The following NRG1 variants were observed in gnomAD, a reference collection of about 807,000 sequenced individuals.
NRG1 encodes the protein pro-neuregulin-1, membrane-bound isoform.
Under a neutral mutation model 63.8 loss-of-function variants are expected in NRG1, and 18 were observed. The observed-to-expected ratio is 0.28, with a 90% CI of 0.19 to 0.42. NRG1 has a LOEUF of 0.42. Ranked by LOEUF, NRG1 falls within the 10% of genes least tolerant of loss-of-function variation. The probability of loss-of-function intolerance (pLI) is 1.00; values close to 1 mark genes in which losing one functional copy is unlikely to be tolerated. For missense variants in NRG1, 762 were observed against 814.7 expected, an observed-to-expected ratio of 0.94 and a Z score of 0.79; for synonymous variants, 302 against 301.3, an observed-to-expected ratio of 1.00 and a Z score of -0.02.
At chr8:32,360,590 C>T (rs768952174) in intron 1 of NRG1, among the ~76,000 whole-genome samples, 6 of 152,152 alleles carry the variant, frequency 3.9e-5, no homozygotes, top group South Asian at 2.1e-4. Flanking sequence ...TTTCTTTTGT[C>T]GTTTTACAGA....
intron 1 of NRG1, among the ~76,000 whole-genome samples, chr8:32,288,072 A>G (rs1255325482): frequency 6.6e-6 from 1 of 152,228 alleles, no homozygotes; most frequent in African/African-American, 2.4e-5. Flanking sequence ...AAAAAAGTGC[A>G]TTGCCATTTT....
intron 1 of NRG1, chr8:32,442,574 T>G (rs1193328620): frequency 6.6e-6 from 1 of 152,234 alleles, no homozygotes; most frequent in African/African-American, 2.4e-5. Flanking sequence ...AAAGTCCAGT[T>G]GTTTTCCCTT....
At chr8:32,491,264 T>C (rs1826524300) in intron 1 of NRG1, among the ~76,000 whole-genome samples, 1 of 152,202 alleles carries the variant, frequency 6.6e-6, no homozygotes, top group Non-Finnish European at 1.5e-5. Flanking sequence ...TTGGAACTAA[T>C]CGTAAATAAC....
At chr8:32,204,474 A>G (rs1028365620) in intron 1 of NRG1, among the ~76,000 whole-genome samples, 2 of 152,226 alleles carry the variant, frequency 1.3e-5, no homozygotes, top group Non-Finnish European at 2.9e-5. Flanking sequence ...TGCCAGTCAC[A>G]TACTAGTCAG....
In NRG1 at chr8:32,118,646, G is replaced by A. The variant is rs113476623; in HGVS notation, c.38-477182G>A. Among the ~76,000 whole-genome samples the A allele has an allele frequency of 7.0e-3, 1,059 of 152,210 alleles. 21 individuals carry two copies. Among genetic ancestry groups the A allele is most frequent in the African/African-American group, 0.024 (979 of 41,552 alleles). On this transcript the variant is annotated intron_variant, in intron 1 of 10. Transcript: ENST00000519301. ...TACAGGTATTTTGGCAGTTGTAATA[G>A]CGAGGTATTTATTTTGGTGCTTTAA...
At chr8:32,331,233 C>T (rs372260562) in intron 1 of NRG1, among the ~76,000 whole-genome samples, 15 of 151,992 alleles carry the variant, frequency 9.9e-5, no homozygotes, top group African/African-American at 2.9e-4. Context: ...CAGCGGCTCA[C>T]GCCTGTAATC....
chr8:32,193,946 A>G (rs1274235726), intron 1 of NRG1, among the ~76,000 whole-genome samples: 1 of 152,232 alleles, frequency 6.6e-6, no homozygotes, highest in African/African-American at 2.4e-5. Context: ...CCTGCAGAGG[A>G]AGCAGCCCTG....
At chr8:31,902,548 A>G (rs1411989514) in intron 1 of NRG1, among the ~76,000 whole-genome samples, 2 of 152,216 alleles carry the variant, frequency 1.3e-5, no homozygotes, top group Admixed American at 6.5e-5. Context: ...AATACTTACC[A>G]GGCTATTATC....
downstream of NRG1, among the ~76,000 whole-genome samples, chr8:32,771,706 T>TAAAAAAA (rs36131405): frequency 0.14 from 11,201 of 79,852 alleles, 1,036 homozygotes; most frequent in Non-Finnish European, 0.19. Flanking sequence ...TCCATTTCTT[T>TAAAAAAA]AAAAAAAAAA....
At chr8:32,548,950 T>A in intron 1 of NRG1, 124 bp downstream of exon 1, 1 of 1,286,542 alleles carries the variant, frequency 7.8e-7, no homozygotes, top group Non-Finnish European at 1.0e-6. Flanking sequence ...CCCTGCGCTC[T>A]GAGCGCCCGT....
intron 1 of NRG1, among the ~76,000 whole-genome samples, chr8:32,022,921 T>C (rs189524301): frequency 3.3e-5 from 5 of 152,354 alleles, no homozygotes; most frequent in Admixed American, 3.3e-4. Flanking sequence ...CACCATTTAA[T>C]GTGCACGGGA....
At chr8:32,718,595 T>C (rs1262359845) in intron 5 of NRG1, among the ~76,000 whole-genome samples, 1 of 152,170 alleles carries the variant, frequency 6.6e-6, no homozygotes. Flanking sequence ...TCTGGTATGG[T>C]TGCATTATTA....
chr8:32,116,221 T>G (rs1027097225), intron 1 of NRG1, among the ~76,000 whole-genome samples: 1 of 152,254 alleles, frequency 6.6e-6, no homozygotes, highest in African/African-American at 2.4e-5. Context: ...CTTCTTTTCC[T>G]CCTGTACGAC....
At chr8:31,813,520 T>TCTTTTCTTTTCTTTTATTTTC (rs1554540779) in intron 1 of NRG1, among the ~76,000 whole-genome samples, 1 of 116,606 alleles carries the variant, frequency 8.6e-6, no homozygotes, top group East Asian at 3.2e-4. Context: ...TCTTTTCTTT[T>TCTTTTCTTTTCTTTTATTTTC]TTTTTTTTTT....
chr8:32,725,296 A>G (rs1821800497), intron 5 of NRG1, among the ~76,000 whole-genome samples: 1 of 151,998 alleles, frequency 6.6e-6, no homozygotes, highest in Non-Finnish European at 1.5e-5. Context: ...CTTGAGGTTC[A>G]GAGTTCCTCT....
chr8:32,312,682 G>A (rs1856955587), intron 1 of NRG1, among the ~76,000 whole-genome samples: 1 of 151,936 alleles, frequency 6.6e-6, no homozygotes, highest in South Asian at 2.1e-4. Flanking sequence ...TGCTAAGGGT[G>A]CTTTTCTTCC....
At chr8:31,809,846 T>A (rs1243707199) in intron 1 of NRG1, among the ~76,000 whole-genome samples, 1 of 151,506 alleles carries the variant, frequency 6.6e-6, no homozygotes, top group Non-Finnish European at 1.5e-5. Flanking sequence ...TAGAATTTTT[T>A]TTTTTTTTAG....
intron 1 of NRG1, among the ~76,000 whole-genome samples, chr8:31,935,190 C>G (rs1489580996): frequency 1.3e-5 from 2 of 151,620 alleles, no homozygotes; most frequent in Non-Finnish European, 2.9e-5. Flanking sequence ...AATCTCAGCT[C>G]ACTGCAACCT....
chr8:31,878,533 G>A (rs191439632), intron 1 of NRG1, among the ~76,000 whole-genome samples: 5 of 152,274 alleles, frequency 3.3e-5, no homozygotes, highest in East Asian at 1.9e-4. Context: ...ACTATTTATC[G>A]ATTGTTATAT....
Sources: gnomAD v4.1 joint callset for allele counts (sites outside exome capture counted in the v4.1 genomes callset) on GRCh38, gnomAD v4.1.1 for gene constraint, MANE v1.5 for transcripts, NCBI Gene and HGNC (gene_info 2026-07-23, HGNC 2026-07-21) for gene names.